Variants in B4GALT6 observed in about 807,000 individuals in gnomAD.
B4GALT6 encodes the protein UDP-Gal:beta-GlcNAc beta-1,4-galactosyltransferase 6.
In B4GALT6, 14 loss-of-function variants were observed where a neutral mutation model predicts 46.3. The observed-to-expected ratio is 0.30, with a 90% CI of 0.20 to 0.47. The LOEUF (loss-of-function observed/expected upper bound fraction) is 0.47. B4GALT6 is among the 20% of genes least tolerant of loss of function. The pLI is 0.99. For missense variants in B4GALT6, 386 were observed against 480.1 expected, an observed-to-expected ratio of 0.80 and a Z score of 1.83; for synonymous variants, 168 against 162.0, an observed-to-expected ratio of 1.04 and a Z score of -0.28.
intron 2 of B4GALT6, among the ~76,000 whole-genome samples, chr18:31,660,472 T>C (rs1444869560): frequency 6.6e-6 from 1 of 152,058 alleles, no homozygotes; most frequent in African/African-American, 2.4e-5. Flanking sequence ...AGTTCATTGA[T>C]TTACACCTTA....
rs765349359 is a variant in B4GALT6, at chr18:31,684,251, A to G, written c.115+61T>C. The G allele has an allele frequency of 6.4e-5, 103 of 1,606,632 alleles. 1 individual carries two copies. Among genetic ancestry groups the G allele is most frequent in the South Asian group, 5.0e-4 (45 of 90,622 alleles). ...TTCCAAATCCCAGAAGTAACATCGG[A>G]TAACAGCCTGCGCTGGCTGTGGTGT... On this transcript the variant is annotated intron_variant, in intron 1 of 8. Coordinates refer to ENST00000306851, the MANE Select transcript of B4GALT6 (RefSeq NM_004775.5).
chr18:31,702,947 C>T, the B4GALT6 span, among the ~76,000 whole-genome samples: 1 of 152,214 alleles, frequency 6.6e-6, no homozygotes, highest in African/African-American at 2.4e-5. Flanking sequence ...TCCCAAGAAA[C>T]TGCCACGAAG....
chr18:31,684,547 G>T lies in B4GALT6; in HGVS notation c.-121C>A. ...CGAGACTGCAGCGGGGTCCGCGCGG[G>T]GAGGCTCTGGGGAGAGGGCCCGAGC... On this transcript the variant is annotated 5_prime_UTR_variant, in exon 1 of 9. Coordinates refer to ENST00000306851, the MANE Select transcript of B4GALT6 (RefSeq NM_004775.5). 1.3e-6 allele frequency: 2 copies of T among 1,488,024 alleles called. No homozygotes were observed. Among genetic ancestry groups the T allele is most frequent in the Non-Finnish European group, 1.8e-6 (2 of 1,117,152 alleles). The allele number at this position is 1,488,024 out of a possible 1,614,324, so 92.2% of individuals were successfully genotyped here. A position where few individuals can be genotyped will look rare whatever the true frequency, so the allele number is the denominator to read the frequency against.
chr18:31,661,002 C>T (rs754880093), intron 2 of B4GALT6, among the ~76,000 whole-genome samples: 4 of 152,294 alleles, frequency 2.6e-5, no homozygotes, highest in Admixed American at 2.0e-4. Flanking sequence ...GGAAACCCCC[C>T]CTTAGCGTGG....
At chr18:31,662,060 C>T (rs776019685) in intron 2 of B4GALT6, among the ~76,000 whole-genome samples, 1 of 152,226 alleles carries the variant, frequency 6.6e-6, no homozygotes, top group Non-Finnish European at 1.5e-5. Context: ...TCTGGGGAGT[C>T]AGATGGCAAC....
chr18:31,654,586 T>G (rs1346223415), intron 3 of B4GALT6, among the ~76,000 whole-genome samples: 1 of 152,242 alleles, frequency 6.6e-6, no homozygotes, highest in African/African-American at 2.4e-5. Context: ...AAATTCACTT[T>G]ATCTTTACAG....
At chr18:31,703,522 C>A in the B4GALT6 span, among the ~76,000 whole-genome samples, 1 of 152,118 alleles carries the variant, frequency 6.6e-6, no homozygotes, top group Non-Finnish European at 1.5e-5. Context: ...TCAAAAAGAG[C>A]TACTGTTAGA....
intron 2 of B4GALT6, among the ~76,000 whole-genome samples, chr18:31,663,379 T>C (rs996197187): frequency 5.9e-5 from 9 of 152,196 alleles, no homozygotes; most frequent in Admixed American, 3.9e-4. Flanking sequence ...CACTCTAACA[T>C]TGCATGGCCC....
chr18:31,687,858 T>C (rs185951475), upstream of B4GALT6, among the ~76,000 whole-genome samples: 22 of 152,330 alleles, frequency 1.4e-4, no homozygotes, highest in Admixed American at 1.1e-3. Flanking sequence ...ATGTACTTGT[T>C]AATGAGATGG....
At chr18:31,724,481 G>A in the B4GALT6 span, 6 of 1,015,932 alleles carry the variant, frequency 5.9e-6, no homozygotes, top group Middle Eastern at 5.0e-4. Flanking sequence ...AGACCCGGGA[G>A]AGCTTTGATT....
chr18:31,717,954 C>CAA, the B4GALT6 span, among the ~76,000 whole-genome samples: 84,271 of 125,920 alleles, frequency 0.67, 27,607 homozygotes, highest in South Asian at 0.7. Context: ...AACTCCGTCT[C>CAA]AAAAAAAAAA....
At position 31,645,605 on chromosome 18, in the gene B4GALT6, C is replaced by G. The variant is rs956854005; in HGVS notation, c.347-126G>C. On this transcript the variant is annotated intron_variant, in intron 3 of 8. Transcript: ENST00000306851. ...AGGACAATACAGTTTACTCCTGTTA[C>G]CACCACAAAATTATGAATAGCGCTC... 3.5e-6 allele frequency: 3 copies of G among 862,966 alleles called. No individual in the cohort carries two copies. In the Admixed American group the frequency reaches 1.0e-4, roughly 29 times the overall value. The allele number at this position is 862,966 out of a possible 1,614,324, so 53.5% of individuals were successfully genotyped here.
At chr18:31,647,700 G>A (rs1253017432) in intron 3 of B4GALT6, among the ~76,000 whole-genome samples, 3 of 152,182 alleles carry the variant, frequency 2.0e-5, no homozygotes, top group African/African-American at 7.2e-5. Context: ...GAGAGAGGAA[G>A]AACAAACATT....
intron 5 of B4GALT6, 28 bp downstream of exon 5, chr18:31,638,616 T>G: frequency 6.7e-7 from 1 of 1,488,160 alleles, no homozygotes; most frequent in Non-Finnish European, 9.4e-7. Flanking sequence ...CTAGTATACT[T>G]AGTGACCACT....
intron 2 of B4GALT6, among the ~76,000 whole-genome samples, chr18:31,666,039 G>C (rs954613294): frequency 3.3e-5 from 5 of 152,180 alleles, no homozygotes; most frequent in Non-Finnish European, 7.4e-5. Flanking sequence ...ATTAACTTAA[G>C]TGTCTGTACA....
At position 31,634,554 on chromosome 18, in the gene B4GALT6, G is replaced by T. The variant is rs1409208671; in HGVS notation, c.589-3408C>A. Among the ~76,000 whole-genome samples the T allele has an allele frequency of 2.0e-5, 3 of 152,118 alleles. 1 individual carries two copies. The highest frequency in any genetic ancestry group is 4.4e-5 in the Non-Finnish European group (3 of 68,020). On this transcript the variant is annotated intron_variant, in intron 5 of 8. Coordinates refer to ENST00000306851, the MANE Select transcript of B4GALT6 (RefSeq NM_004775.5). ...CTGCTTCCTGACTTAACCGAAACGT[G>T]TGAAAATCTCTCACCCACGACTTTC...
At position 31,623,856 on chromosome 18, in the gene B4GALT6, A is replaced by G. The variant is rs1173436076; in HGVS notation, c.*1758T>C. On this transcript the variant is annotated 3_prime_UTR_variant, in exon 9 of 9. Coordinates refer to ENST00000306851, the MANE Select transcript of B4GALT6 (RefSeq NM_004775.5). ...ATGACACTTCAAAATAAAACTTACA[A>G]TCTGAGATAAATAACCATAGTTCTG... 3 of 151,992 alleles carry G rather than the reference A, an allele frequency of 2.0e-5. No individual in the cohort carries two copies. Among genetic ancestry groups the G allele is most frequent in the Non-Finnish European group, 4.4e-5 (3 of 67,860 alleles). 9.4% of individuals were successfully genotyped at this position (151,992 alleles called of 1,614,324 possible).
At chr18:31,694,044 C>T in the B4GALT6 span, among the ~76,000 whole-genome samples, 8 of 152,256 alleles carry the variant, frequency 5.3e-5, no homozygotes, top group Middle Eastern at 0.014. Flanking sequence ...CTAAATGTAA[C>T]CATGAATGTT....
the B4GALT6 span, among the ~76,000 whole-genome samples, chr18:31,716,083 T>G: frequency 3.3e-5 from 5 of 152,206 alleles, no homozygotes; most frequent in Non-Finnish European, 7.3e-5. Context: ...TGGGTTCCCA[T>G]TTCAATATTT....
Sources: gnomAD v4.1 joint callset for allele counts (sites outside exome capture counted in the v4.1 genomes callset) on GRCh38, gnomAD v4.1.1 for gene constraint, MANE v1.5 for transcripts, NCBI Gene and HGNC (gene_info 2026-07-23, HGNC 2026-07-21) for gene names.